Variants in MYO3B observed in about 807,000 individuals in gnomAD.
MYO3B encodes the protein myosin IIIB.
A neutral mutation model predicts 174.6 loss-of-function variants in MYO3B; 156 were observed. That is an observed-to-expected ratio of 0.89 (90% CI 0.78 to 1.02). The LOEUF is 1.02. Ranked by LOEUF, MYO3B falls within the 50% of genes least tolerant of loss-of-function variation. The pLI is 0.00. For synonymous variants in MYO3B, 563 were observed against 569.1 expected (o/e 0.99, Z 0.15); for missense variants, 1,632 against 1,639.4 (o/e 1.00, Z 0.08).
intron 32 of MYO3B, among the ~76,000 whole-genome samples, chr2:170,577,976 A>G (rs1312166355): frequency 6.6e-6 from 1 of 152,192 alleles, no homozygotes; most frequent in Non-Finnish European, 1.5e-5. Flanking sequence ...TGTGTACTGT[A>G]TGTGTGTGTG....
intron 5 of MYO3B, 96 bp from the exon 6 acceptor site, chr2:170,217,223 A>G (rs1201204915): frequency 3.0e-6 from 3 of 1,012,716 alleles, no homozygotes; most frequent in East Asian, 4.8e-5. Flanking sequence ...CACAAAGCCT[A>G]AAGTACTTAT....
intron 24 of MYO3B, among the ~76,000 whole-genome samples, chr2:170,464,278 G>A (rs1458327989): frequency 6.6e-6 from 1 of 151,276 alleles, no homozygotes; most frequent in African/African-American, 2.4e-5. Flanking sequence ...GAACCTGGGA[G>A]GTGGAGGTTG....
chr2:170,438,741 T>C (rs1430912546), intron 22 of MYO3B, among the ~76,000 whole-genome samples: 4 of 152,044 alleles, frequency 2.6e-5, no homozygotes, highest in Non-Finnish European at 5.9e-5. Flanking sequence ...TTCAAATGCT[T>C]CTCCTGCCTC....
chr2:170,530,292 A>G (rs1689275714), intron 30 of MYO3B, among the ~76,000 whole-genome samples: 1 of 152,042 alleles, frequency 6.6e-6, no homozygotes, highest in South Asian at 2.1e-4. Flanking sequence ...TGATACCAAA[A>G]TTCTAATGGC....
chr2:170,513,684 TC>T (rs1453097034), intron 28 of MYO3B, among the ~76,000 whole-genome samples: 6 of 152,228 alleles, frequency 3.9e-5, no homozygotes, highest in African/African-American at 1.4e-4. Context: ...ATCTTTAATC[TC>T]TTCTTATTCT....
intron 32 of MYO3B, among the ~76,000 whole-genome samples, chr2:170,580,858 T>C (rs114232633): frequency 0.021 from 3,173 of 152,204 alleles, 55 homozygotes; most frequent in East Asian, 0.047. Context: ...GTTTCCAATA[T>C]TTATCACGTT....
At chr2:170,288,651 A>G (rs1385081926) in intron 7 of MYO3B, among the ~76,000 whole-genome samples, 2 of 152,086 alleles carry the variant, frequency 1.3e-5, no homozygotes, top group Non-Finnish European at 2.9e-5. Context: ...ATATGAAATC[A>G]TGTGGTCTAC....
At chr2:170,576,721 A>T (rs557898696) in intron 32 of MYO3B, among the ~76,000 whole-genome samples, 2 of 152,330 alleles carry the variant, frequency 1.3e-5, no homozygotes, top group Admixed American at 1.3e-4. Flanking sequence ...TATAAGTGAA[A>T]TGGTCACAAA....
intron 32 of MYO3B, among the ~76,000 whole-genome samples, chr2:170,570,301 A>G (rs1692354279): frequency 6.6e-6 from 1 of 152,238 alleles, no homozygotes; most frequent in South Asian, 2.1e-4. Flanking sequence ...AATGTAAAAC[A>G]TTAGTTTGAA....
intron 32 of MYO3B, among the ~76,000 whole-genome samples, chr2:170,642,472 G>C (rs1698052802): frequency 6.6e-6 from 1 of 152,152 alleles, no homozygotes; most frequent in African/African-American, 2.4e-5. Context: ...AGCAGGATCT[G>C]AATTACATGC....
In MYO3B at chr2:170,387,262, ATC is replaced by A; in HGVS notation, c.1535_1536del (p.Ser512Ter). The stretch of plus-strand genomic sequence containing the variant: ...AACTGGAGTTGTGATGGGGGCAAGA[ATC>A]TCTGAATATCTCCTGGAAAAATCCA... ...TPTGVVMGARISEYLLEKSRV... is the reference protein window; with the variant it reads ...TPTGVVMGARXSEYLLEKSRV... On this transcript the variant is annotated frameshift_variant, in exon 14 of 35. Transcript: ENST00000408978. LOFTEE classifies it high-confidence loss of function. 2 of 1,614,180 alleles carry A rather than the reference ATC, an allele frequency of 1.2e-6. No homozygotes were observed. The highest frequency in any genetic ancestry group is 1.7e-6 in the Non-Finnish European group (2 of 1,179,992).
chr2:170,563,012 C>A (rs893266307), intron 32 of MYO3B, among the ~76,000 whole-genome samples: 1 of 144,208 alleles, frequency 6.9e-6, no homozygotes, highest in African/African-American at 2.6e-5. Context: ...CTGAACACTA[C>A]AAAGTTGTAA....
chr2:170,627,863 C>A (rs991873282), intron 32 of MYO3B, among the ~76,000 whole-genome samples: 1 of 147,336 alleles, frequency 6.8e-6, no homozygotes, highest in Admixed American at 6.7e-5. Context: ...TGTAGATCAG[C>A]GAATATTGCT....
intron 25 of MYO3B, among the ~76,000 whole-genome samples, chr2:170,491,466 G>GC (rs777514553): frequency 2.9e-5 from 4 of 139,452 alleles, no homozygotes; most frequent in East Asian, 4.3e-4. Flanking sequence ...AGTCTCTGTC[G>GC]ACAGGCTGGA....
At chr2:170,619,158 C>T (rs575897007) in intron 32 of MYO3B, among the ~76,000 whole-genome samples, 114 of 152,262 alleles carry the variant, frequency 7.5e-4, no homozygotes, top group Middle Eastern at 3.4e-3. Context: ...TATGGACAGG[C>T]GCCCCACCCC....
intron 8 of MYO3B, among the ~76,000 whole-genome samples, chr2:170,338,387 T>C (rs1376776285): frequency 6.6e-6 from 1 of 152,176 alleles, no homozygotes; most frequent in African/African-American, 2.4e-5. Flanking sequence ...GTCTTTACGG[T>C]TTTTTATTAG....
intron 22 of MYO3B, among the ~76,000 whole-genome samples, chr2:170,441,531 G>T (rs924873428): frequency 3.9e-5 from 6 of 152,220 alleles, no homozygotes; most frequent in Non-Finnish European, 8.8e-5. Context: ...ATAAAAGAAT[G>T]GCTGCTCCAT....
At chr2:170,384,226 A>G (rs1471730346) in intron 12 of MYO3B, among the ~76,000 whole-genome samples, 2 of 152,132 alleles carry the variant, frequency 1.3e-5, no homozygotes, top group African/African-American at 4.8e-5. Flanking sequence ...TGTATGAAAT[A>G]TTGCACAGAG....
chr2:170,261,212 CG>C (rs2093343535), intron 7 of MYO3B, among the ~76,000 whole-genome samples: 1 of 151,766 alleles, frequency 6.6e-6, no homozygotes, highest in Non-Finnish European at 1.5e-5. Context: ...TTAGTAGAGA[CG>C]GGGTTTCTCC....
Sources: allele counts gnomAD v4.1 joint callset (sites outside exome capture counted in the v4.1 genomes callset), GRCh38; gene constraint gnomAD v4.1.1; transcripts MANE v1.5; gene names NCBI Gene and HGNC (gene_info 2026-07-23, HGNC 2026-07-21).